NOTCH2: variants seen among roughly 807,000 people sequenced by gnomAD.
NOTCH2 encodes neurogenic locus notch homolog protein 2.
In NOTCH2, 29 loss-of-function variants were observed where a neutral mutation model predicts 235.8. The observed-to-expected ratio is 0.12, with a 90% CI of 0.09 to 0.17. NOTCH2 has a LOEUF of 0.17. Among genes scored for constraint, NOTCH2 ranks in the 10% least tolerant of loss-of-function variants. The probability of loss-of-function intolerance (pLI) is 1.00; values close to 1 mark genes in which losing one functional copy is unlikely to be tolerated. For synonymous variants in NOTCH2, 1,086 were observed against 1,141.5 expected (o/e 0.95, Z 0.98); for missense variants, 2,285 against 3,150.2 (o/e 0.73, Z 6.57).
At chr1:119,940,123 T>C (rs1368741803) in intron 19 of NOTCH2, among the ~76,000 whole-genome samples, 1 of 152,200 alleles carries the variant, frequency 6.6e-6, no homozygotes, top group Non-Finnish European at 1.5e-5. Context: ...GATATGTAAA[T>C]TGTTTGGTTT....
At chr1:119,948,006 T>C (rs1187333748) in intron 17 of NOTCH2, among the ~76,000 whole-genome samples, 4 of 152,142 alleles carry the variant, frequency 2.6e-5, no homozygotes, top group South Asian at 4.1e-4. Flanking sequence ...TAAATTGCAA[T>C]GGGATGAAGA....
chr1:120,041,063 A>G lies in NOTCH2; in HGVS notation c.74-11076T>C, dbSNP rs1451616968. Reference sequence around the variant, plus strand: ...CTGCAAAAAAAAAAAAAAAAAAAAAAAAAAAAAAATATATATATATATATA... The same window carrying G: ...CTGCAAAAAAAAAAAAAAAAAAAAAGAAAAAAAAATATATATATATATATA... On this transcript the variant is annotated intron_variant, in intron 1 of 33. Coordinates refer to ENST00000256646, the MANE Select transcript of NOTCH2 (RefSeq NM_024408.4). 2.7e-5 allele frequency among the ~76,000 whole-genome samples: 3 copies of G among 112,004 alleles called. No homozygotes were observed. In the South Asian group the frequency reaches 8.8e-4, roughly 33 times the overall value. 73.5% of individuals were successfully genotyped at this position (112,004 alleles called of 152,430 possible). A position where few individuals can be genotyped will look rare whatever the true frequency, so the allele number is the denominator to read the frequency against.
chr1:119,974,896 T>G (rs2101157795), intron 5 of NOTCH2, among the ~76,000 whole-genome samples: 1 of 152,334 alleles, frequency 6.6e-6, no homozygotes, highest in Middle Eastern at 3.4e-3. Flanking sequence ...GGGCAGGGAC[T>G]GTGTCTGCCA....
At chr1:119,938,219 C>T (rs1649931160) in intron 19 of NOTCH2, among the ~76,000 whole-genome samples, 1 of 152,038 alleles carries the variant, frequency 6.6e-6, no homozygotes, top group African/African-American at 2.4e-5. Context: ...CACTTAATGT[C>T]ATCATTAGGT....
At chr1:119,917,793 C>CA (rs1649136961) in intron 32 of NOTCH2, 31 bp from the exon 33 acceptor site, 1 of 1,250,690 alleles carries the variant, frequency 8.0e-7, no homozygotes, top group African/African-American at 1.5e-5. Context: ...TATAAACAGA[C>CA]ATATCCTACT....
intron 3 of NOTCH2, among the ~76,000 whole-genome samples, chr1:119,999,972 AAAGAAAGG>A (rs1188101095): frequency 0.019 from 1,136 of 60,750 alleles, 4 homozygotes; most frequent in Non-Finnish European, 0.026. Flanking sequence ...AGAAAGAAAG[AAAGAAAGG>A]AAGGAAGGAA....
intron 3 of NOTCH2, among the ~76,000 whole-genome samples, chr1:120,003,121 T>C (rs1652832563): frequency 6.6e-6 from 1 of 152,142 alleles, no homozygotes; most frequent in African/African-American, 2.4e-5. Flanking sequence ...TGGACACCAT[T>C]TGATCATCTG....
chr1:119,959,619 C>G (rs1459301845), intron 11 of NOTCH2, 117 bp from the exon 12 acceptor site: 7 of 709,922 alleles, frequency 9.9e-6, no homozygotes, highest in African/African-American at 3.5e-5. Flanking sequence ...CAACCCTGGA[C>G]AGAATAAAGC....
intron 4 of NOTCH2, 37 bp downstream of exon 4, chr1:119,996,960 T>C (rs782502318): frequency 1.3e-6 from 2 of 1,591,426 alleles, no homozygotes; most frequent in African/African-American, 2.7e-5. Context: ...TGCTAGGGGT[T>C]TGTCCCCTAA....
At chr1:119,921,998 G>A (rs587645361) in intron 28 of NOTCH2, among the ~76,000 whole-genome samples, 189 bp from the exon 29 acceptor site, 95 of 152,198 alleles carry the variant, frequency 6.2e-4, no homozygotes, top group Admixed American at 1.3e-3. Flanking sequence ...CATTGATCGT[G>A]AGCTTACAAC....
chr1:119,929,137 C>T lies in NOTCH2; in HGVS notation c.3731G>A (p.Arg1244Lys). 6.2e-7 allele frequency: 1 copy of T among 1,614,260 alleles called. No individual in the cohort carries two copies. Among genetic ancestry groups the T allele is most frequent in the Non-Finnish European group, 8.5e-7 (1 of 1,180,054 alleles). ...HCLNGGQCMD[R>K]IGGYSCRCLP... ...GCAGCGACAACTGTAGCCTCCAATC[C>T]TATCCATGCACTGACCACCATTAAG... The change falls in exon 23 of 34, where the codon AGG becomes AAG. Residue 1244 changes from arginine to lysine, a missense_variant. Arg to Lys is a conservative substitution (Grantham distance 26, BLOSUM62 2). Coordinates refer to ENST00000256646, the MANE Select transcript of NOTCH2 (RefSeq NM_024408.4).
intron 1 of NOTCH2, among the ~76,000 whole-genome samples, chr1:120,048,529 G>A (rs1297467360): frequency 1.6e-5 from 2 of 126,388 alleles, no homozygotes; most frequent in Admixed American, 7.9e-5. Flanking sequence ...GCTCACTGCA[G>A]CCTCAACCTC....
intron 3 of NOTCH2, among the ~76,000 whole-genome samples, chr1:120,002,926 C>T (rs1216339940): frequency 1.3e-5 from 2 of 148,964 alleles, no homozygotes; most frequent in Non-Finnish European, 3.0e-5. Flanking sequence ...TGTGTGATCT[C>T]AGGAGATGTG....
At chr1:119,986,257 C>T (rs1183381051) in intron 5 of NOTCH2, among the ~76,000 whole-genome samples, 2 of 152,146 alleles carry the variant, frequency 1.3e-5, no homozygotes, top group Non-Finnish European at 2.9e-5. Context: ...TTAATTGTCT[C>T]TACTTTCAGT....
Position 119,916,430 on chromosome 1 carries a change from G to A in NOTCH2, c.6292C>T (p.Pro2098Ser), listed in dbSNP as rs1649073660. Residue 2098 changes from proline to serine, a missense_variant, in exon 34 of 34, where the codon CCA becomes TCA. Transcript: ENST00000256646. ...NRSFLSLKHT[P>S]MGKKSRRPSA... The stretch of plus-strand genomic sequence containing the variant: ...GGCCGTCTAGACTTCTTGCCCATTG[G>A]GGTGTGCTTCAGGCTGAGGAAAGAT... The A allele has an allele frequency of 6.2e-7, 1 of 1,613,970 alleles. No individual in the cohort carries two copies. Among genetic ancestry groups the A allele is most frequent in the African/African-American group, 1.3e-5 (1 of 74,892 alleles).
At chr1:119,984,032 C>T (rs1409006540) in intron 5 of NOTCH2, among the ~76,000 whole-genome samples, 1 of 152,116 alleles carries the variant, frequency 6.6e-6, no homozygotes, top group Non-Finnish European at 1.5e-5. Context: ...TTCAAGTCTA[C>T]AGGTGGAAAT....
rs1162486453 is a variant in NOTCH2, at chr1:119,935,397, C to A, written c.3655+75G>T. ...CTTCCTATCTTTAATTTTATAAAAT[C>A]CCCTGAACACTAAGAATGGATTTAT... On this transcript the variant is annotated intron_variant, in intron 22 of 33. Transcript: ENST00000256646. The A allele has an allele frequency of 3.1e-6, 5 of 1,612,822 alleles. No individual in the cohort carries two copies. In the African/African-American group the frequency reaches 6.7e-5, roughly 22 times the overall value.
In NOTCH2 at chr1:119,999,972, A is replaced by AAGG. The variant is rs1652672030; in HGVS notation, c.416-2641_416-2640insCCT. Among the ~76,000 whole-genome samples the AAGG allele has an allele frequency of 8.9e-3, 544 of 61,262 alleles. 3 individuals carry two copies. Among genetic ancestry groups the AAGG allele is most frequent in the East Asian group, 0.01 (25 of 2,466 alleles). 40.2% of individuals were successfully genotyped at this position (61,262 alleles called of 152,430 possible). ...GAAAGAAAGAAAGAAAGAAAGAAAG[A>AAGG]AAGAAAGGAAGGAAGGAAGGAAGGA... On this transcript the variant is annotated intron_variant, in intron 3 of 33. Coordinates refer to ENST00000256646, the MANE Select transcript of NOTCH2 (RefSeq NM_024408.4).
intron 6 of NOTCH2, among the ~76,000 whole-genome samples, chr1:119,968,908 G>C (rs1553200026): frequency 6.6e-6 from 1 of 152,184 alleles, no homozygotes; most frequent in Non-Finnish European, 1.5e-5. Flanking sequence ...CTCCATGAAA[G>C]AACATTTCAA....
Sources: allele counts gnomAD v4.1 joint callset (sites outside exome capture counted in the v4.1 genomes callset), GRCh38; gene constraint gnomAD v4.1.1; transcripts MANE v1.5; gene names NCBI Gene and HGNC (gene_info 2026-07-23, HGNC 2026-07-21).